The following MALRD1 variants were observed in gnomAD, a reference collection of about 807,000 sequenced individuals.
MALRD1 encodes MAM and LDL receptor class A domain containing 1, also known as MAM and LDL-receptor class A domain-containing protein 1.
In MALRD1, 247 loss-of-function variants were observed where a neutral mutation model predicts 242.1. The ratio of observed to expected loss-of-function variants is 1.02; its 90% confidence interval spans 0.92 to 1.13. MALRD1 has a LOEUF of 1.13. MALRD1 is among the 50% of genes most tolerant of loss of function. The probability of loss-of-function intolerance (pLI) is 0.00; values close to 1 mark genes in which losing one functional copy is unlikely to be tolerated. For missense variants in MALRD1, 2,989 were observed against 2,533.1 expected, an observed-to-expected ratio of 1.18 and a Z score of -3.86; for synonymous variants, 995 against 866.6, an observed-to-expected ratio of 1.15 and a Z score of -2.60.
intron 10 of MALRD1, among the ~76,000 whole-genome samples, 199 bp from the exon 11 acceptor site, chr10:19,145,999 G>A (rs1833714235): frequency 6.6e-6 from 1 of 152,160 alleles, no homozygotes; most frequent in Non-Finnish European, 1.5e-5. Flanking sequence ...ATGGAAGCAT[G>A]TGGAAGGGTC....
chr10:19,053,250 T>G (rs1459348756), intron 1 of MALRD1, among the ~76,000 whole-genome samples: 1 of 152,228 alleles, frequency 6.6e-6, no homozygotes, highest in Non-Finnish European at 1.5e-5. Context: ...ATCTCTGAAT[T>G]GTTTTACTTG....
intron 29 of MALRD1, among the ~76,000 whole-genome samples, chr10:19,490,152 T>TACAG (rs1837418238): frequency 1.3e-5 from 2 of 152,176 alleles, no homozygotes; most frequent in African/African-American, 4.8e-5. Flanking sequence ...AGGAATTGTG[T>TACAG]ACATATTGAA....
chr10:19,153,842 T>C (rs1834031151), intron 11 of MALRD1, among the ~76,000 whole-genome samples: 1 of 152,044 alleles, frequency 6.6e-6, no homozygotes, highest in Non-Finnish European at 1.5e-5. Flanking sequence ...GGCGTCTTAA[T>C]GTGTACATGT....
At chr10:19,675,714 G>A (rs1232607540) in intron 36 of MALRD1, among the ~76,000 whole-genome samples, 2 of 152,226 alleles carry the variant, frequency 1.3e-5, no homozygotes, top group East Asian at 3.8e-4. Context: ...GTTAACTACT[G>A]TTACTGTGAT....
chr10:19,602,889 T>C (rs1160757311), intron 34 of MALRD1, among the ~76,000 whole-genome samples: 1 of 152,166 alleles, frequency 6.6e-6, no homozygotes, highest in Non-Finnish European at 1.5e-5. Flanking sequence ...ATCGCCATTC[T>C]AACTGGTGTG....
intron 1 of MALRD1, among the ~76,000 whole-genome samples, chr10:19,058,538 A>C (rs1477118088): frequency 6.6e-6 from 1 of 152,206 alleles, no homozygotes; most frequent in Non-Finnish European, 1.5e-5. Flanking sequence ...AAATGAAAGA[A>C]GAAAACTTTA....
chr10:19,251,493 A>G (rs1839290447), intron 18 of MALRD1, among the ~76,000 whole-genome samples: 1 of 151,554 alleles, frequency 6.6e-6, no homozygotes, highest in Non-Finnish European at 1.5e-5. Context: ...GCCTCCTCAT[A>G]TTGCCCTGTG....
intron 29 of MALRD1, among the ~76,000 whole-genome samples, chr10:19,477,138 C>A (rs1589135088): frequency 6.6e-6 from 1 of 151,972 alleles, no homozygotes; most frequent in East Asian, 1.9e-4. Context: ...TAGTGCTCAA[C>A]AATATTAATA....
At chr10:19,279,992 C>T (rs1246924402) in intron 19 of MALRD1, 55 bp from the exon 20 acceptor site, 5 of 1,327,982 alleles carry the variant, frequency 3.8e-6, no homozygotes, top group Non-Finnish European at 5.0e-6. Flanking sequence ...ATCTCTAAAG[C>T]AGTAGAAAAC....
intron 5 of MALRD1, among the ~76,000 whole-genome samples, chr10:19,112,578 A>T (rs1223761102): frequency 1.3e-5 from 2 of 152,110 alleles, no homozygotes; most frequent in Non-Finnish European, 2.9e-5. Context: ...TTGTCACTTT[A>T]TGGCTATAAG....
At chr10:19,061,591 G>A (rs183426639) in intron 1 of MALRD1, among the ~76,000 whole-genome samples, 1 of 152,232 alleles carries the variant, frequency 6.6e-6, no homozygotes, top group Non-Finnish European at 1.5e-5. Flanking sequence ...CATAAAGACA[G>A]CCATCTAGAC....
chr10:19,376,542 C>CT (rs57836152), intron 26 of MALRD1, among the ~76,000 whole-genome samples: 2,157 of 94,850 alleles, frequency 0.023, 155 homozygotes, highest in African/African-American at 0.066. Flanking sequence ...TTGATACATT[C>CT]TTTTTTTTTT....
At chr10:19,531,143 T>G in intron 31 of MALRD1, 51 bp from the exon 32 acceptor site, 3 of 1,434,616 alleles carry the variant, frequency 2.1e-6, no homozygotes, top group Non-Finnish European at 2.8e-6. Flanking sequence ...ACATTCCGAC[T>G]CATGCGATAT....
At chr10:19,141,116 A>G (rs1174153716) in intron 10 of MALRD1, among the ~76,000 whole-genome samples, 1 of 152,220 alleles carries the variant, frequency 6.6e-6, no homozygotes, top group East Asian at 1.9e-4. Flanking sequence ...TATATGCAAT[A>G]TGTTTTAAAA....
Position 19,632,959 on chromosome 10 carries a change from C to T in MALRD1, c.6137+17036C>T, listed in dbSNP as rs201147565. ...AGAGAGTGGACTTCTGGGCCAGGCA[C>T]GGTGGCTCATGCCTGAAATCCCAAC... On this transcript the variant is annotated intron_variant, in intron 36 of 39. Transcript: ENST00000454679. Among the ~76,000 whole-genome samples, 8 of 152,080 alleles carry T rather than the reference C, an allele frequency of 5.3e-5. No homozygotes were observed. In the South Asian group the frequency reaches 1.0e-3, roughly 20 times the overall value.
At chr10:19,066,644 A>T (rs946429774) in intron 1 of MALRD1, 75 bp from the exon 2 acceptor site, 1 of 1,100,462 alleles carries the variant, frequency 9.1e-7, no homozygotes, top group African/African-American at 1.6e-5. Context: ...GCTAAACTTT[A>T]TTTTTCTGCT....
At position 19,128,331 on chromosome 10, in the gene MALRD1, C is replaced by T; in HGVS notation, c.1054C>T (p.Gln352Ter). Reference sequence around the variant, plus strand: ...TTGCCTGGGCAAGAGCTGTCATCTTCAATTCTATTATGCAATGGAAAGCAG... The same window carrying T: ...TTGCCTGGGCAAGAGCTGTCATCTTTAATTCTATTATGCAATGGAAAGCAG... ...CHCLGKSCHL[Q>*]FYYAMESSVL... Residue 352 changes from glutamine to a stop codon, truncating the protein, a stop_gained, in exon 8 of 40, where the codon CAA (glutamine) becomes TAA (stop). Transcript: ENST00000454679. LOFTEE classifies it high-confidence loss of function. The T allele has an allele frequency of 8.1e-7, 1 of 1,233,396 alleles. No individual in the cohort carries two copies. The highest frequency in any genetic ancestry group is 1.5e-5 in the African/African-American group (1 of 64,576). 76.4% of individuals were successfully genotyped at this position (1,233,396 alleles called of 1,614,324 possible). A position where few individuals can be genotyped will look rare whatever the true frequency, so the allele number is the denominator to read the frequency against.
chr10:19,494,512 C>G (rs1837627809), intron 30 of MALRD1, among the ~76,000 whole-genome samples: 1 of 152,034 alleles, frequency 6.6e-6, no homozygotes, highest in Admixed American at 6.6e-5. Context: ...CATTGAAACC[C>G]AATCCAAAGA....
chr10:19,203,781 G>C lies in MALRD1; in HGVS notation c.2005G>C (p.Gly669Arg). The stretch of plus-strand genomic sequence containing the variant: ...CTGTGATTGGTTTGAAGCAATTAGT[G>C]GTGACCATTTTGACTGGATACGGAG... ...NSCDWFEAIS[G>R]DHFDWIRSSQ... Residue 669 changes from glycine to arginine, a missense_variant, in exon 15 of 40, where the codon GGT becomes CGT. Coordinates refer to ENST00000454679, the MANE Select transcript of MALRD1 (RefSeq NM_001142308.3). 1 of 1,550,572 alleles carries C rather than the reference G, an allele frequency of 6.4e-7. No homozygotes were observed. Among genetic ancestry groups the C allele is most frequent in the Non-Finnish European group, 8.7e-7 (1 of 1,146,914 alleles).
Sources: gnomAD v4.1 joint callset for allele counts (sites outside exome capture counted in the v4.1 genomes callset) on GRCh38, gnomAD v4.1.1 for gene constraint, MANE v1.5 for transcripts, NCBI Gene and HGNC (gene_info 2026-07-23, HGNC 2026-07-21) for gene names.